ATP10B: variants seen among roughly 807,000 people sequenced by gnomAD.
ATP10B encodes ATPase phospholipid transporting 10B (putative).
ATP10B carries 122 observed loss-of-function variants against 141.2 expected under a neutral mutation model. The observed-to-expected ratio is 0.86, with a 90% CI of 0.75 to 1.00. The LOEUF is 1.00. Among genes scored for constraint, ATP10B ranks in the 50% least tolerant of loss-of-function variants. ATP10B has a pLI of 0.00. For missense variants in ATP10B, 1,876 were observed against 1,825.3 expected, an observed-to-expected ratio of 1.03 and a Z score of -0.51; for synonymous variants, 685 against 692.0, an observed-to-expected ratio of 0.99 and a Z score of 0.16.
At chr5:160,666,980 A>G (rs1762356896) in intron 7 of ATP10B, among the ~76,000 whole-genome samples, 2 of 152,032 alleles carry the variant, frequency 1.3e-5, no homozygotes, top group African/African-American at 4.8e-5. Context: ...GCATTTTGGG[A>G]GGCTGAGGCA....
chr5:160,721,236 C>A (rs555952341), intron 2 of ATP10B, among the ~76,000 whole-genome samples: 8 of 152,036 alleles, frequency 5.3e-5, no homozygotes, highest in South Asian at 4.1e-4. Context: ...CAATGAATAT[C>A]CGTGGGAAAT....
intron 2 of ATP10B, among the ~76,000 whole-genome samples, chr5:160,729,685 A>C (rs1425777649): frequency 6.6e-6 from 1 of 152,258 alleles, no homozygotes; most frequent in East Asian, 1.9e-4. Flanking sequence ...GAGATAGGTC[A>C]AAAGGTCTTT....
In ATP10B at chr5:160,620,636, G is replaced by A. The variant is rs535143119; in HGVS notation, c.2127C>T (p.Asp709=). ...LEEALEAPAT[D]LARPEFCYEA... ...CGTAACAGAACTCAGGCCTGGCCAG[G>A]TCTGTGGCTGGGGCCTCCAATGCCT... is the stretch of plus-strand genomic sequence containing the variant. Residue 709 remains aspartate, a synonymous_variant, in exon 15 of 26, where the codon GAC becomes GAT. Transcript: ENST00000327245. The A allele has an allele frequency of 3.7e-6, 6 of 1,613,718 alleles. No homozygotes were observed. Among genetic ancestry groups the A allele is most frequent in the Non-Finnish European group, 5.1e-6 (6 of 1,179,634 alleles).
chr5:160,830,457 A>C lies in ATP10B; in HGVS notation c.-576+21484T>G, dbSNP rs148272519. On this transcript the variant is annotated intron_variant, in intron 1 of 25. Coordinates refer to ENST00000327245, the MANE Select transcript of ATP10B (RefSeq NM_025153.3). ...TTTTCTGTATATGGCAAATTGTAAT[A>C]GTGACACCAGATCAAATAGGTTTAA... 6.0e-3 allele frequency among the ~76,000 whole-genome samples: 914 copies of C among 152,226 alleles called. 13 individuals are homozygous for C. Among genetic ancestry groups the C allele is most frequent in the African/African-American group, 0.021 (869 of 41,564 alleles).
chr5:160,818,510 A>C (rs1289827047), intron 1 of ATP10B, among the ~76,000 whole-genome samples: 1 of 152,206 alleles, frequency 6.6e-6, no homozygotes, highest in Non-Finnish European at 1.5e-5. Flanking sequence ...CAGGTGCTGG[A>C]AAGGATGTGG....
intron 2 of ATP10B, among the ~76,000 whole-genome samples, chr5:160,722,162 G>A (rs544419000): frequency 1.3e-5 from 2 of 152,244 alleles, no homozygotes; most frequent in South Asian, 2.1e-4. Flanking sequence ...GGGTTCTTAT[G>A]AGTCTATTAA....
intron 1 of ATP10B, among the ~76,000 whole-genome samples, chr5:160,812,084 G>T (rs1223441106): frequency 6.6e-6 from 1 of 151,308 alleles, no homozygotes; most frequent in Non-Finnish European, 1.5e-5. Flanking sequence ...GATTCCTCTT[G>T]TTGGGAGAAA....
At chr5:160,901,146 T>C in the ATP10B span, among the ~76,000 whole-genome samples, 1 of 152,132 alleles carries the variant, frequency 6.6e-6, no homozygotes, top group African/African-American at 2.4e-5. Flanking sequence ...GTCTGGGGAA[T>C]GCTTTGCAAA....
At chr5:160,568,953 T>C (rs899549567) in intron 25 of ATP10B, among the ~76,000 whole-genome samples, 4 of 152,150 alleles carry the variant, frequency 2.6e-5, no homozygotes, top group Non-Finnish European at 5.9e-5. Flanking sequence ...TTAAACAAAT[T>C]TGAATAGTAT....
At chr5:160,708,624 G>A (rs900936027) in intron 3 of ATP10B, among the ~76,000 whole-genome samples, 24 of 152,188 alleles carry the variant, frequency 1.6e-4, no homozygotes, top group Non-Finnish European at 1.6e-4. Flanking sequence ...ATCATGTAGA[G>A]AAGCCTCTGA....
At chr5:160,911,306 C>T in the ATP10B span, among the ~76,000 whole-genome samples, 19 of 152,208 alleles carry the variant, frequency 1.2e-4, no homozygotes, top group South Asian at 2.1e-4. Context: ...CATTCTTCCT[C>T]ATCTCTGCCT....
the ATP10B span, among the ~76,000 whole-genome samples, chr5:160,897,032 G>A: frequency 6.6e-6 from 1 of 152,176 alleles, no homozygotes; most frequent in African/African-American, 2.4e-5. Flanking sequence ...AGGTACTGAT[G>A]GAATGTATCT....
intron 3 of ATP10B, among the ~76,000 whole-genome samples, chr5:160,701,186 T>C (rs1040499828): frequency 1.3e-5 from 2 of 152,142 alleles, no homozygotes; most frequent in African/African-American, 2.4e-5. Flanking sequence ...GATCGACTCA[T>C]GCCATCTCCT....
Position 160,589,634 on chromosome 5 carries a change from G to GA in ATP10B, c.3707dup (p.Thr1237HisfsTer99). The GA allele has an allele frequency of 6.2e-7, 1 of 1,614,142 alleles. No homozygotes were observed. The highest frequency in any genetic ancestry group is 8.5e-7 in the Non-Finnish European group (1 of 1,180,006). Reference sequence around the variant, plus strand: ...TTGCCTGGTGCAAAAGGATTGTGGTGAGGGAGATGGTGTTGATTGGTGTCC... The same window carrying GA: ...TTGCCTGGTGCAAAAGGATTGTGGTGAAGGGAGATGGTGTTGATTGGTGTCC... On this transcript the variant is annotated frameshift_variant, in exon 24 of 26. Transcript: ENST00000327245. LOFTEE classifies it high-confidence loss of function.
At chr5:160,800,141 C>T (rs1317300374) in intron 1 of ATP10B, among the ~76,000 whole-genome samples, 1 of 152,118 alleles carries the variant, frequency 6.6e-6, no homozygotes, top group East Asian at 1.9e-4. Flanking sequence ...GCTGGTACTT[C>T]ATATACATTA....
At chr5:160,631,855 T>A (rs1758958506) in intron 13 of ATP10B, among the ~76,000 whole-genome samples, 1 of 152,182 alleles carries the variant, frequency 6.6e-6, no homozygotes, top group Non-Finnish European at 1.5e-5. Flanking sequence ...AAATGCTGGC[T>A]TAGTGTGGAG....
chr5:160,743,577 G>T (rs1211697599), intron 2 of ATP10B, among the ~76,000 whole-genome samples: 1 of 152,140 alleles, frequency 6.6e-6, no homozygotes, highest in East Asian at 1.9e-4. Context: ...CTGACTTGAG[G>T]TCAAGTGGCC....
chr5:160,922,281 C>CT, the ATP10B span, among the ~76,000 whole-genome samples: 1 of 152,178 alleles, frequency 6.6e-6, no homozygotes, highest in Non-Finnish European at 1.5e-5. Context: ...TAGCAAGTCA[C>CT]TTTTACCTCT....
Position 160,636,325 on chromosome 5 carries a change from A to G in ATP10B, c.1001-16T>C, listed in dbSNP as rs1040082889. On this transcript the variant is annotated splice_polypyrimidine_tract_variant and intron_variant, in intron 10 of 25. Transcript: ENST00000327245. ...ATGCTGTGACCTGAGAGGAGGCAAA[A>G]CCAGGAATGAGGCTGAATCTCTACT... The G allele has an allele frequency of 6.2e-7, 1 of 1,610,198 alleles. No homozygotes were observed. Among genetic ancestry groups the G allele is most frequent in the East Asian group, 2.2e-5 (1 of 44,830 alleles).
Sources: allele counts gnomAD v4.1 joint callset (sites outside exome capture counted in the v4.1 genomes callset), GRCh38; gene constraint gnomAD v4.1.1; transcripts MANE v1.5; gene names NCBI Gene and HGNC (gene_info 2026-07-23, HGNC 2026-07-21).